PDE11A: variants seen among roughly 807,000 people sequenced by gnomAD.
The protein encoded by PDE11A is phosphodiesterase 11A, also known as dual 3',5'-cyclic-AMP and -GMP phosphodiesterase 11A.
Under a neutral mutation model 100.5 loss-of-function variants are expected in PDE11A, and 100 were observed. The observed-to-expected ratio is 1.00, with a 90% CI of 0.85 to 1.18. PDE11A has a LOEUF of 1.18. Among genes scored for constraint, PDE11A ranks in the 50% most tolerant of loss-of-function variants. PDE11A has a pLI of 0.00. For synonymous variants in PDE11A, 381 were observed against 420.8 expected (o/e 0.91, Z 1.16); for missense variants, 1,141 against 1,152.6 (o/e 0.99, Z 0.15).
At chr2:177,750,721 CAG>C (rs760083418) in intron 10 of PDE11A, among the ~76,000 whole-genome samples, 14 of 152,302 alleles carry the variant, frequency 9.2e-5, no homozygotes, top group Non-Finnish European at 1.6e-4. Context: ...TATAAAGTAT[CAG>C]AAATTGTACA....
rs140751033 is a variant in PDE11A at position 177,809,401 on chromosome 2, G to C, written c.1737+7428C>G. 7.2e-5 allele frequency among the ~76,000 whole-genome samples: 11 copies of C among 152,282 alleles called. No homozygotes were observed. In the East Asian group the frequency reaches 2.1e-3, roughly 29 times the overall value. ...GTCAGGATGGGCCAGTGGAAGCCAGGAATGAGAATGGATTATAAGCTGTTA... is the reference window on the plus strand; with the variant it reads ...GTCAGGATGGGCCAGTGGAAGCCAGCAATGAGAATGGATTATAAGCTGTTA... On this transcript the variant is annotated intron_variant, in intron 9 of 19. Coordinates refer to ENST00000286063, the MANE Select transcript of PDE11A (RefSeq NM_016953.4).
intron 9 of PDE11A, among the ~76,000 whole-genome samples, chr2:177,808,165 C>T (rs1350197350): frequency 6.6e-6 from 1 of 151,914 alleles, no homozygotes; most frequent in African/African-American, 2.4e-5. Context: ...AATTTGTAGG[C>T]AATGGAAAAA....
At chr2:178,063,440 G>A (rs915094780) in intron 1 of PDE11A, among the ~76,000 whole-genome samples, 4 of 152,144 alleles carry the variant, frequency 2.6e-5, no homozygotes, top group Non-Finnish European at 5.9e-5. Context: ...GAAACGGGAG[G>A]CATGGCACAC....
chr2:178,033,054 G>A (rs935082761), intron 1 of PDE11A, among the ~76,000 whole-genome samples: 2 of 152,282 alleles, frequency 1.3e-5, no homozygotes, highest in African/African-American at 2.4e-5. Context: ...TGAGTTTGAC[G>A]AACTGACAGA....
chr2:178,096,181 T>TTTTTTTTTTTTTTTTTTTGG, intron 2 of PDE11A, among the ~76,000 whole-genome samples: 1 of 148,240 alleles, frequency 6.7e-6, no homozygotes, highest in East Asian at 1.9e-4. Flanking sequence ...TTTTTTTTTT[T>TTTTTTTTTTTTTTTTTTTGG]GAGATGGAGT....
intron 19 of PDE11A, among the ~76,000 whole-genome samples, chr2:177,645,632 C>T (rs2080213621): frequency 2.0e-5 from 3 of 152,184 alleles, no homozygotes; most frequent in Admixed American, 6.5e-5. Context: ...TTGTAGGTCT[C>T]TATTTTCTGA....
chr2:177,884,079 T>C (rs1280848791), intron 4 of PDE11A, among the ~76,000 whole-genome samples: 2 of 152,166 alleles, frequency 1.3e-5, no homozygotes, highest in African/African-American at 4.8e-5. Context: ...TCAAGGGCAC[T>C]GAGGTAAAGA....
At chr2:177,918,191 G>A (rs1056836473) in intron 2 of PDE11A, among the ~76,000 whole-genome samples, 1 of 152,220 alleles carries the variant, frequency 6.6e-6, no homozygotes, top group African/African-American at 2.4e-5. Flanking sequence ...CTGTCTACAT[G>A]AGTCATCAGT....
At chr2:178,061,168 G>A (rs2086964605) in intron 1 of PDE11A, among the ~76,000 whole-genome samples, 1 of 151,896 alleles carries the variant, frequency 6.6e-6, no homozygotes, top group Non-Finnish European at 1.5e-5. Context: ...TGGAGAAGTT[G>A]TGACTATTCT....
In PDE11A at chr2:177,816,923, T is replaced by C; in HGVS notation, c.1645-2A>G. 1 of 1,585,914 alleles carries C rather than the reference T, an allele frequency of 6.3e-7. No individual in the cohort carries two copies. The highest frequency in any genetic ancestry group is 8.7e-7 in the Non-Finnish European group (1 of 1,154,460). On this transcript the variant is annotated splice_acceptor_variant, in intron 8 of 19. Transcript: ENST00000286063. LOFTEE classifies it high-confidence loss of function. Reference sequence around the variant, plus strand: ...AAGTCCACAAAAGATGACAAAAGCCTAGGAAAGAGCAAACCTGCTAATTAA... The same window carrying C: ...AAGTCCACAAAAGATGACAAAAGCCCAGGAAAGAGCAAACCTGCTAATTAA...
At chr2:178,104,436 A>G (rs1362006150) in exon 2 of PDE11A, 3 of 1,614,002 alleles carry the variant, frequency 1.9e-6, no homozygotes, top group Non-Finnish European at 2.5e-6. Context: ...ACATTTCTGA[A>G]TAAAGGTCTT....
chr2:177,977,265 C>A (rs1368378126), intron 2 of PDE11A, among the ~76,000 whole-genome samples: 3 of 134,696 alleles, frequency 2.2e-5, no homozygotes, highest in Non-Finnish European at 4.9e-5. Flanking sequence ...AATCAATGTA[C>A]AAAAATCACA....
rs775843198 is a variant in PDE11A at position 177,701,119 on chromosome 2, A to C, written c.2244+2T>G. Reference sequence around the variant, plus strand: ...GGGAGAAGCAGAACATCAGGCCTGTACCTCACTTTGAAGGATCATCACGGC... The same window carrying C: ...GGGAGAAGCAGAACATCAGGCCTGTCCCTCACTTTGAAGGATCATCACGGC... On this transcript the variant is annotated splice_donor_variant, in intron 14 of 19. Transcript: ENST00000286063. LOFTEE classifies it high-confidence loss of function. 1 of 1,529,718 alleles carries C rather than the reference A, an allele frequency of 6.5e-7. No homozygotes were observed. Among genetic ancestry groups the C allele is most frequent in the Non-Finnish European group, 9.1e-7 (1 of 1,102,940 alleles). 94.8% of individuals were successfully genotyped at this position (1,529,718 alleles called of 1,614,324 possible). A position where few individuals can be genotyped will look rare whatever the true frequency, so the allele number is the denominator to read the frequency against.
intron 6 of PDE11A, among the ~76,000 whole-genome samples, chr2:177,826,601 T>C (rs1156763008): frequency 6.6e-6 from 1 of 152,234 alleles, no homozygotes; most frequent in Non-Finnish European, 1.5e-5. Context: ...TATGATTCCT[T>C]AAATTCCTGA....
intron 2 of PDE11A, among the ~76,000 whole-genome samples, chr2:177,909,864 C>T (rs1053474211): frequency 9.2e-5 from 14 of 152,154 alleles, no homozygotes; most frequent in African/African-American, 3.4e-4. Context: ...CCTAGGCTTA[C>T]ACTTATTTTC....
At chr2:177,955,849 C>A (rs936953409) in intron 2 of PDE11A, among the ~76,000 whole-genome samples, 3 of 152,114 alleles carry the variant, frequency 2.0e-5, no homozygotes, top group Non-Finnish European at 4.4e-5. Flanking sequence ...GGAAAACTGG[C>A]TAGACATATG....
intron 12 of PDE11A, among the ~76,000 whole-genome samples, chr2:177,720,564 T>A (rs2081511710): frequency 6.6e-6 from 1 of 152,100 alleles, no homozygotes; most frequent in African/African-American, 2.4e-5. Context: ...TTAGCCCCAT[T>A]TTGAGGTCCA....
intron 2 of PDE11A, among the ~76,000 whole-genome samples, chr2:177,929,773 C>T (rs1322364220): frequency 1.3e-5 from 2 of 152,196 alleles, no homozygotes; most frequent in East Asian, 3.8e-4. Context: ...ATCAAGCTCA[C>T]AGCACAGAAA....
At chr2:177,719,098 C>A (rs1299488737) in intron 12 of PDE11A, among the ~76,000 whole-genome samples, 1 of 152,162 alleles carries the variant, frequency 6.6e-6, no homozygotes, top group Non-Finnish European at 1.5e-5. Flanking sequence ...ATGTCCAGCT[C>A]CTCCTGCTTG....
Sources: gnomAD v4.1 joint callset for allele counts (sites outside exome capture counted in the v4.1 genomes callset) on GRCh38, gnomAD v4.1.1 for gene constraint, MANE v1.5 for transcripts, NCBI Gene and HGNC (gene_info 2026-07-23, HGNC 2026-07-21) for gene names.